The following SLC37A1 variants were observed in gnomAD, a reference collection of about 807,000 sequenced individuals.
SLC37A1 encodes the protein glucose-6-phosphate exchanger SLC37A1.
A neutral mutation model predicts 75.3 loss-of-function variants in SLC37A1; 49 were observed. The ratio of observed to expected loss-of-function variants is 0.65; its 90% CI spans 0.52 to 0.83. The LOEUF (loss-of-function observed/expected upper bound fraction) is 0.83, where lower values mean the gene tolerates loss of function less well. Among genes scored for constraint, SLC37A1 ranks in the 40% least tolerant of loss-of-function variants. The probability of loss-of-function intolerance (pLI) is 0.00; values close to 1 mark genes in which losing one functional copy is unlikely to be tolerated. For synonymous variants in SLC37A1, 268 were observed against 292.1 expected (o/e 0.92, Z 0.84); for missense variants, 566 against 695.0 (o/e 0.81, Z 2.09).
chr21:42,529,123 A>G (rs1415951109), intron 3 of SLC37A1, among the ~76,000 whole-genome samples: 3 of 152,240 alleles, frequency 2.0e-5, no homozygotes, highest in Non-Finnish European at 4.4e-5. Flanking sequence ...ACCATAATCA[A>G]ATTATGATAT....
intron 2 of SLC37A1, among the ~76,000 whole-genome samples, chr21:42,508,331 G>A (rs963981177): frequency 6.6e-6 from 1 of 152,064 alleles, no homozygotes; most frequent in African/African-American, 2.4e-5. Context: ...GTTTCACCAT[G>A]TTGGCCAAGC....
chr21:42,524,068 T>G (rs956027964), intron 2 of SLC37A1, among the ~76,000 whole-genome samples: 7 of 152,150 alleles, frequency 4.6e-5, no homozygotes, highest in African/African-American at 1.7e-4. Context: ...AAGCAACCCC[T>G]TATCCCAGGG....
chr21:42,536,291 A>G (rs1350003160), intron 5 of SLC37A1, among the ~76,000 whole-genome samples: 1 of 152,216 alleles, frequency 6.6e-6, no homozygotes, highest in Non-Finnish European at 1.5e-5. Context: ...TTCTTATGTC[A>G]TAGGATTGGG....
At chr21:42,535,572 A>G in intron 5 of SLC37A1, 22 bp downstream of exon 5, 2 of 1,605,968 alleles carry the variant, frequency 1.2e-6, no homozygotes, top group South Asian at 2.2e-5. Flanking sequence ...TCAGTTTTCC[A>G]GACCCTTCCT....
chr21:42,528,894 T>C (rs558892185), intron 3 of SLC37A1, among the ~76,000 whole-genome samples: 4 of 152,306 alleles, frequency 2.6e-5, no homozygotes, highest in East Asian at 1.9e-4. Context: ...GCTGGAAGTA[T>C]GTACTATGGG....
chr21:42,526,081 T>C (rs2054783014), intron 3 of SLC37A1: 1 of 470,238 alleles, frequency 2.1e-6, no homozygotes, highest in Admixed American at 3.8e-5. Flanking sequence ...TTTAGTTTTA[T>C]TAGTTGACAT....
intron 6 of SLC37A1, 75 bp downstream of exon 6, chr21:42,539,722 A>T: frequency 6.9e-7 from 1 of 1,459,850 alleles, no homozygotes; most frequent in South Asian, 1.4e-5. Flanking sequence ...ATGTCACGTC[A>T]CCTCTGTCAA....
At chr21:42,541,768 G>A (rs1032711987) in intron 6 of SLC37A1, among the ~76,000 whole-genome samples, 1 of 152,090 alleles carries the variant, frequency 6.6e-6, no homozygotes, top group African/African-American at 2.4e-5. Flanking sequence ...TTGAGATGGG[G>A]TCTTACTGTG....
intron 5 of SLC37A1, among the ~76,000 whole-genome samples, chr21:42,538,550 A>G (rs2055196920): frequency 1.3e-5 from 2 of 152,206 alleles, no homozygotes; most frequent in Non-Finnish European, 1.5e-5. Context: ...ACCCTACAGA[A>G]GAAAGTGAGA....
intron 17 of SLC37A1, among the ~76,000 whole-genome samples, chr21:42,569,486 TCGTGCCG>T (rs1569039457): frequency 1.1e-3 from 17 of 15,396 alleles, no homozygotes; most frequent in African/African-American, 3.2e-3. Flanking sequence ...ACAGGTGACC[TCGTGCCG>T]CACTCCCTCG....
intron 14 of SLC37A1, among the ~76,000 whole-genome samples, 185 bp from the exon 15 acceptor site, chr21:42,565,642 G>A (rs374408115): frequency 2.0e-5 from 3 of 152,250 alleles, no homozygotes; most frequent in African/African-American, 4.8e-5. Context: ...CAAAGCCCTC[G>A]TGGTGGGGAC....
In SLC37A1 at chr21:42,547,892, C is replaced by A. The variant is rs1461853828; in HGVS notation, c.768+752C>A. ...CATGTCCACTGGCATGACACCCCTCCTGTCTGCAGGCCACCGCCACCTCAC... is the reference window on the plus strand; with the variant it reads ...CATGTCCACTGGCATGACACCCCTCATGTCTGCAGGCCACCGCCACCTCAC... On this transcript the variant is annotated intron_variant, in intron 9 of 19. Transcript: ENST00000352133. The surrounding 1 kb of genome is among the most constrained non-coding windows in gnomAD (Gnocchi z 6.1). Among the ~76,000 whole-genome samples, 1 of 152,208 alleles carries A rather than the reference C, an allele frequency of 6.6e-6. No individual in the cohort carries two copies. The highest frequency in any genetic ancestry group is 6.5e-5 in the Admixed American group (1 of 15,288).
At chr21:42,534,030 A>T (rs1002027896) in intron 3 of SLC37A1, among the ~76,000 whole-genome samples, 1 of 152,218 alleles carries the variant, frequency 6.6e-6, no homozygotes, top group East Asian at 1.9e-4. Flanking sequence ...AGATCTGTAC[A>T]TGCCCATAGG....
chr21:42,566,926 A>G, intron 15 of SLC37A1, 59 bp from the exon 16 acceptor site: 2 of 1,553,132 alleles, frequency 1.3e-6, no homozygotes, highest in African/African-American at 1.3e-5. Context: ...GGCTGCTCCT[A>G]TGCATGCGGG....
chr21:42,530,555 C>G (rs1259694790), intron 3 of SLC37A1, among the ~76,000 whole-genome samples: 2 of 148,110 alleles, frequency 1.4e-5, no homozygotes, highest in Non-Finnish European at 3.0e-5. Flanking sequence ...GCCTAATGAG[C>G]CACGTAAAGT....
intron 15 of SLC37A1, 89 bp from the exon 16 acceptor site, chr21:42,566,896 C>T (rs997499023): frequency 2.1e-4 from 291 of 1,358,474 alleles, no homozygotes; most frequent in Non-Finnish European, 2.6e-4. Context: ...CCTCCCTGTG[C>T]TCCCCAGGCG....
At chr21:42,500,808 T>C (rs1418617660) in intron 1 of SLC37A1, among the ~76,000 whole-genome samples, 1 of 152,254 alleles carries the variant, frequency 6.6e-6, no homozygotes, top group Non-Finnish European at 1.5e-5. Flanking sequence ...GGTAGATTCT[T>C]AAGCGTAAGT....
At chr21:42,571,607 G>A (rs1036052791) in intron 17 of SLC37A1, among the ~76,000 whole-genome samples, 2 of 151,890 alleles carry the variant, frequency 1.3e-5, no homozygotes, top group African/African-American at 2.4e-5. Context: ...ATGTTTCTTG[G>A]TTCATCATCT....
chr21:42,532,298 T>C (rs2055005730), intron 3 of SLC37A1, among the ~76,000 whole-genome samples: 1 of 152,244 alleles, frequency 6.6e-6, no homozygotes, highest in Non-Finnish European at 1.5e-5. Context: ...AAATATTAAA[T>C]CACAAAGGAT....
Sources: gnomAD v4.1 joint callset for allele counts (sites outside exome capture counted in the v4.1 genomes callset) on GRCh38, gnomAD v4.1.1 for gene constraint, Gnocchi (gnomAD v3.1) non-coding constraint, MANE v1.5 for transcripts, NCBI Gene and HGNC (gene_info 2026-07-23, HGNC 2026-07-21) for gene names.